KIF26B: variants seen among roughly 807,000 people sequenced by gnomAD.
KIF26B encodes the protein kinesin-like protein KIF26B.
A neutral mutation model predicts 151.2 loss-of-function variants in KIF26B; 63 were observed. The observed-to-expected ratio is 0.42, with a 90% CI of 0.34 to 0.51. The LOEUF is 0.51. KIF26B is among the 20% of genes least tolerant of loss of function. KIF26B has a pLI of 0.07. For synonymous variants in KIF26B, 1,357 were observed against 1,262.1 expected (o/e 1.08, Z -1.59); for missense variants, 2,813 against 2,913.6 (o/e 0.97, Z 0.79).
At chr1:245,442,413 C>T (rs1412729563) in intron 4 of KIF26B, among the ~76,000 whole-genome samples, 4 of 152,048 alleles carry the variant, frequency 2.6e-5, no homozygotes, top group South Asian at 2.1e-4. Context: ...TGTTTTAGGT[C>T]GGGGTCCCCA....
At chr1:245,316,140 A>T (rs1272630815) in intron 2 of KIF26B, among the ~76,000 whole-genome samples, 27 of 141,582 alleles carry the variant, frequency 1.9e-4, no homozygotes, top group African/African-American at 6.5e-4. Flanking sequence ...GGCTGCTTCT[A>T]TTTTTTTTTT....
chr1:245,370,542 G>T, intron 3 of KIF26B: 1 of 455,680 alleles, frequency 2.2e-6, no homozygotes, highest in South Asian at 1.6e-5. Flanking sequence ...CCACATACTT[G>T]TGTTACACAG....
At chr1:245,314,471 C>G (rs1045323380) in intron 2 of KIF26B, among the ~76,000 whole-genome samples, 4 of 152,060 alleles carry the variant, frequency 2.6e-5, no homozygotes, top group Non-Finnish European at 5.9e-5. Context: ...AAAAAGCAAA[C>G]AAACAAACAG....
intron 10 of KIF26B, among the ~76,000 whole-genome samples, chr1:245,647,148 G>T (rs1040031899): frequency 2.6e-5 from 4 of 152,182 alleles, no homozygotes; most frequent in African/African-American, 9.7e-5. Context: ...ATTGTAGGCT[G>T]GGTGCGGTGG....
chr1:245,608,214 C>T (rs953524271), intron 7 of KIF26B, among the ~76,000 whole-genome samples: 9 of 152,174 alleles, frequency 5.9e-5, no homozygotes, highest in African/African-American at 1.9e-4. Context: ...AACACTCCAG[C>T]GCTGAAGCGT....
intron 2 of KIF26B, among the ~76,000 whole-genome samples, chr1:245,246,814 A>T (rs2103562839): frequency 6.6e-6 from 1 of 152,038 alleles, no homozygotes; most frequent in Non-Finnish European, 1.5e-5. Context: ...GGTTCTTTGG[A>T]GACATTATAA....
At chr1:245,449,888 A>T (rs975406566) in intron 4 of KIF26B, among the ~76,000 whole-genome samples, 1 of 152,218 alleles carries the variant, frequency 6.6e-6, no homozygotes, top group Admixed American at 6.5e-5. Context: ...TCTGCTTGTT[A>T]TCTTATGCAA....
At chr1:245,209,939 G>A (rs1295914547) in intron 2 of KIF26B, among the ~76,000 whole-genome samples, 1 of 152,236 alleles carries the variant, frequency 6.6e-6, no homozygotes, top group Non-Finnish European at 1.5e-5. Flanking sequence ...AGATACTGGG[G>A]TCTTGGGAAG....
intron 10 of KIF26B, among the ~76,000 whole-genome samples, chr1:245,666,308 A>C (rs1380980274): frequency 1.3e-5 from 2 of 152,204 alleles, no homozygotes; most frequent in African/African-American, 4.8e-5. Context: ...TGAAATAGAA[A>C]GTGAAAGTCT....
chr1:245,202,962 AAAAC>A (rs1355107744), intron 2 of KIF26B, among the ~76,000 whole-genome samples: 6 of 141,522 alleles, frequency 4.2e-5, no homozygotes, highest in Non-Finnish European at 7.8e-5. Flanking sequence ...AAACAAAACA[AAAAC>A]AAAAAAGGCC....
intron 12 of KIF26B, among the ~76,000 whole-genome samples, chr1:245,694,909 G>C (rs1331717966): frequency 6.6e-6 from 1 of 152,218 alleles, no homozygotes; most frequent in Non-Finnish European, 1.5e-5. Context: ...GAGCAGGGAG[G>C]GGTTGAAAAG....
chr1:245,433,938 G>T (rs566193907), intron 4 of KIF26B, among the ~76,000 whole-genome samples: 2 of 152,116 alleles, frequency 1.3e-5, no homozygotes, highest in African/African-American at 4.8e-5. Flanking sequence ...TTCTCTTGGG[G>T]GTCTGTAGTG....
rs766252476 is a variant in KIF26B at position 245,684,302 on chromosome 1, G to A, written c.2328G>A (p.Ala776=). ...TGAACTGCCGTACCACCATGATCGC[G>A]CACATCTCGGCCGCGGTCGGGAGCT... is the stretch of plus-strand genomic sequence containing the variant. The part of the protein sequence containing the change: ...GNMNCRTTMI[A]HISAAVGSYA... Residue 776 remains alanine, a synonymous_variant, in exon 11 of 15, where the codon GCG becomes GCA. Coordinates refer to ENST00000407071, the MANE Select transcript of KIF26B (RefSeq NM_018012.4). 1.7e-5 allele frequency: 27 copies of A among 1,613,858 alleles called. No homozygotes were observed. Among genetic ancestry groups the A allele is most frequent in the South Asian group, 2.2e-5 (2 of 91,084 alleles).
chr1:245,505,373 A>G (rs1274451917), intron 4 of KIF26B, among the ~76,000 whole-genome samples: 3 of 151,576 alleles, frequency 2.0e-5, no homozygotes, highest in African/African-American at 7.3e-5. Flanking sequence ...AAAGATGTAA[A>G]GAATTTATTT....
intron 5 of KIF26B, among the ~76,000 whole-genome samples, chr1:245,561,284 G>A (rs955385626): frequency 5.3e-5 from 8 of 152,152 alleles, no homozygotes; most frequent in African/African-American, 1.9e-4. Flanking sequence ...GGACATTTGG[G>A]GAACAGCCTG....
At chr1:245,223,602 T>C (rs996178103) in intron 2 of KIF26B, among the ~76,000 whole-genome samples, 3 of 152,196 alleles carry the variant, frequency 2.0e-5, no homozygotes, top group Non-Finnish European at 2.9e-5. Flanking sequence ...GTTTTGTGTG[T>C]TTTAGAATTG....
intron 4 of KIF26B, among the ~76,000 whole-genome samples, chr1:245,449,038 A>G (rs1431011494): frequency 6.6e-6 from 1 of 152,220 alleles, no homozygotes; most frequent in Non-Finnish European, 1.5e-5. Flanking sequence ...TTACTTTAGC[A>G]CGTCAGTACT....
chr1:245,586,456 T>C (rs961304983), intron 5 of KIF26B, among the ~76,000 whole-genome samples: 3 of 152,310 alleles, frequency 2.0e-5, no homozygotes, highest in African/African-American at 7.2e-5. Context: ...TCCTTCTCTG[T>C]CCCTCCAGTG....
At chr1:245,523,406 A>G (rs970793332) in intron 4 of KIF26B, among the ~76,000 whole-genome samples, 17 of 152,230 alleles carry the variant, frequency 1.1e-4, no homozygotes, top group African/African-American at 3.9e-4. Context: ...AGTTAAACAG[A>G]GTATCTGTAG....
Sources: gnomAD v4.1 joint callset for allele counts (sites outside exome capture counted in the v4.1 genomes callset) on GRCh38, gnomAD v4.1.1 for gene constraint, MANE v1.5 for transcripts, NCBI Gene and HGNC (gene_info 2026-07-23, HGNC 2026-07-21) for gene names.